The following CACNA1H variants were observed in gnomAD, a reference collection of about 807,000 sequenced individuals.
CACNA1H encodes calcium voltage-gated channel subunit alpha1 H.
A neutral mutation model predicts 192.5 loss-of-function variants in CACNA1H; 149 were observed. The ratio of observed to expected loss-of-function variants is 0.77; its 90% CI spans 0.68 to 0.89. CACNA1H has a LOEUF of 0.89. Ranked by LOEUF, CACNA1H falls within the 40% of genes least tolerant of loss-of-function variation. CACNA1H has a pLI of 0.00. For missense variants in CACNA1H, 4,257 were observed against 3,423.5 expected (o/e 1.24, Z -6.08); for synonymous variants, 2,202 against 1,475.2 (o/e 1.49, Z -11.29).
chr16:1,164,375 C>G (rs976648021), intron 2 of CACNA1H, among the ~76,000 whole-genome samples: 1 of 152,098 alleles, frequency 6.6e-6, no homozygotes, highest in Admixed American at 6.5e-5. Flanking sequence ...ACCCTGTCGC[C>G]CAGGCTGAGT....
chr16:1,212,527 A>G lies in CACNA1H; in HGVS notation c.4776A>G (p.Pro1592=), dbSNP rs760335623. The G allele has an allele frequency of 1.9e-6, 3 of 1,610,880 alleles. No homozygotes were observed. The highest frequency in any genetic ancestry group is 2.5e-6 in the Non-Finnish European group (3 of 1,179,078). Residue 1592 remains proline (P), a splice_region_variant and synonymous_variant, in exon 26 of 35, where the codon CCA becomes CCG. Transcript: ENST00000348261. ...ERRRRSTFPS[P]EAQRRPYYAD... Reference sequence around the variant, plus strand: ...TCTTTCCAGGCACTTTCCCCAGCCCAGGTACCGGCCCTGTCCCGCATGCCT... The same window carrying G: ...TCTTTCCAGGCACTTTCCCCAGCCCGGGTACCGGCCCTGTCCCGCATGCCT...
At chr16:1,211,837 C>G in intron 24 of CACNA1H, 32 bp downstream of exon 24, 1 of 1,610,760 alleles carries the variant, frequency 6.2e-7, no homozygotes. Context: ...TGGGTCACCT[C>G]AGGGTCTCCC....
At chr16:1,209,646 C>T (rs918273928) in intron 17 of CACNA1H, among the ~76,000 whole-genome samples, 3 of 152,236 alleles carry the variant, frequency 2.0e-5, no homozygotes, top group Non-Finnish European at 4.4e-5. Context: ...GCTCCACGCA[C>T]GGCCTGCATA....
intron 2 of CACNA1H, among the ~76,000 whole-genome samples, chr16:1,190,486 G>A (rs1358020597): frequency 6.6e-6 from 1 of 152,176 alleles, no homozygotes; most frequent in Non-Finnish European, 1.5e-5. Context: ...GACCTCGGCT[G>A]ACTGCTCCCC....
intron 3 of CACNA1H, 135 bp from the exon 4 acceptor site, chr16:1,195,297 C>A: frequency 3.5e-6 from 3 of 862,044 alleles, no homozygotes; most frequent in Non-Finnish European, 4.6e-6. Flanking sequence ...GGCTCAGTTC[C>A]TGGGGCTCAG....
intron 2 of CACNA1H, among the ~76,000 whole-genome samples, chr16:1,168,115 C>G (rs985634786): frequency 1.3e-5 from 2 of 152,124 alleles, no homozygotes; most frequent in Non-Finnish European, 2.9e-5. Flanking sequence ...GACCAGAATT[C>G]CCCTGGGGCA....
At chr16:1,214,494 G>C (rs1441594151) in intron 27 of CACNA1H, among the ~76,000 whole-genome samples, 1 of 152,198 alleles carries the variant, frequency 6.6e-6, no homozygotes, top group African/African-American at 2.4e-5. Flanking sequence ...TCCTCAGAGG[G>C]TGAGGGGCTC....
At position 1,204,369 on chromosome 16, in the gene CACNA1H, C is replaced by A. The variant is rs3751664; in HGVS notation, c.2362C>A (p.Arg788Ser). The change falls in exon 10 of 35, where the codon CGC (arginine) becomes AGC (serine). Residue 788 changes from arginine (R) to serine (S), a missense_variant. Physicochemically the swap from Arg to Ser is moderately radical, Grantham distance 110. Transcript: ENST00000348261. ...LWVTFSGKLR[R>S]IVDSKYFSRG... is the part of the protein sequence containing the mutation. ...GGTTACCTTCAGCGGCAAGCTGCGC[C>A]GCATCGTGGACAGCAAGTACTTCAG... is the stretch of plus-strand genomic sequence containing the variant. 1.3e-6 allele frequency: 2 copies of A among 1,570,348 alleles called. No individual in the cohort carries two copies. Among genetic ancestry groups the A allele is most frequent in the East Asian group, 4.5e-5 (2 of 44,468 alleles).
chr16:1,215,134 G>A (rs1567549431), intron 28 of CACNA1H, 53 bp downstream of exon 28: 4 of 1,585,328 alleles, frequency 2.5e-6, no homozygotes, highest in Non-Finnish European at 3.4e-6. Flanking sequence ...GGCTCTGGGG[G>A]CTGGGGGCAG....
chr16:1,202,740 G>GC (rs1402383887), intron 9 of CACNA1H, among the ~76,000 whole-genome samples: 3 of 152,152 alleles, frequency 2.0e-5, no homozygotes, highest in Admixed American at 2.0e-4. Flanking sequence ...TCCTGGGGCA[G>GC]CATCCCATTG....
intron 2 of CACNA1H, among the ~76,000 whole-genome samples, chr16:1,162,608 C>T (rs1963324067): frequency 6.6e-6 from 1 of 151,096 alleles, no homozygotes. Flanking sequence ...AGAAGCTGCC[C>T]CGCACGGCCA....
Position 1,201,927 on chromosome 16 carries a change from A to C in CACNA1H, c.1477A>C (p.Ser493Arg). The change falls in exon 9 of 35, where the codon AGT becomes CGT. Residue 493 changes from serine (S) to arginine (R), a missense_variant. Ser to Arg is a moderately radical substitution (Grantham distance 110). Coordinates refer to ENST00000348261, the MANE Select transcript of CACNA1H (RefSeq NM_021098.3). ...CCGCTGGCGCAAGAAGGTGGACCCC[A>C]GTGCTGTGCAAGGCCAGGGTCCCGG... The part of the protein sequence containing the change: ...QSRWRKKVDP[S>R]AVQGQGPGHR... 1.3e-6 allele frequency: 2 copies of C among 1,549,900 alleles called. No individual in the cohort carries two copies. The highest frequency in any genetic ancestry group is 1.7e-6 in the Non-Finnish European group (2 of 1,146,824).
chr16:1,189,397 CTTTTTTTTTTTTTTTTTTTTT>C (rs3990780), intron 2 of CACNA1H, among the ~76,000 whole-genome samples: 756 of 45,028 alleles, frequency 0.017, 22 homozygotes, highest in African/African-American at 0.036. Flanking sequence ...GAAGAGTGTC[CTTTTTTTTTTTTTTTTTTTTT>C]TTTTTTTTTT....
intron 29 of CACNA1H, 39 bp downstream of exon 29, chr16:1,215,414 G>A: frequency 6.3e-7 from 1 of 1,592,674 alleles, no homozygotes; most frequent in East Asian, 2.3e-5. Flanking sequence ...CTCTGCGGGT[G>A]GAGGGTGGGG....
chr16:1,166,518 T>G (rs149487756), intron 2 of CACNA1H, among the ~76,000 whole-genome samples: 18 of 152,272 alleles, frequency 1.2e-4, no homozygotes, highest in African/African-American at 3.9e-4. Flanking sequence ...AGGGTCCAAT[T>G]CGGTCGTTCT....
intron 2 of CACNA1H, among the ~76,000 whole-genome samples, chr16:1,159,240 A>G (rs1962861573): frequency 6.6e-6 from 1 of 152,138 alleles, no homozygotes; most frequent in South Asian, 2.1e-4. Flanking sequence ...TGACCGAGGC[A>G]TGGTCGGGGC....
At chr16:1,187,943 C>T (rs987918237) in intron 2 of CACNA1H, among the ~76,000 whole-genome samples, 3 of 152,124 alleles carry the variant, frequency 2.0e-5, no homozygotes, top group Admixed American at 6.5e-5. Flanking sequence ...AGAACGTGTC[C>T]TCCAGGGCCA....
At chr16:1,200,189 G>T in intron 6 of CACNA1H, 67 bp from the exon 7 acceptor site, 6 of 1,307,600 alleles carry the variant, frequency 4.6e-6, no homozygotes, top group Non-Finnish European at 6.3e-6. Flanking sequence ...GATCACAATC[G>T]TGCCCCCGAC....
At chr16:1,202,809 G>A (rs1283635846) in intron 9 of CACNA1H, among the ~76,000 whole-genome samples, 3 of 152,156 alleles carry the variant, frequency 2.0e-5, no homozygotes, top group African/African-American at 7.2e-5. Context: ...ACGCTTCCCT[G>A]GAGGACGTGC....
Sources: gnomAD v4.1 joint callset for allele counts (sites outside exome capture counted in the v4.1 genomes callset) on GRCh38, gnomAD v4.1.1 for gene constraint, MANE v1.5 for transcripts, NCBI Gene and HGNC (gene_info 2026-07-23, HGNC 2026-07-21) for gene names.